Variants in ANKRD6 observed in about 807,000 individuals in gnomAD.
ANKRD6 encodes the protein ankyrin repeat domain 6, also known as ankyrin repeat domain-containing protein 6.
In ANKRD6, 56 loss-of-function variants were observed where a neutral mutation model predicts 82.3. That is an observed-to-expected ratio of 0.68 (90% CI 0.55 to 0.85). The LOEUF is 0.85. ANKRD6 is among the 40% of genes least tolerant of loss of function. ANKRD6 has a pLI of 0.00. For missense variants in ANKRD6, 852 were observed against 907.6 expected, an observed-to-expected ratio of 0.94 and a Z score of 0.79; for synonymous variants, 347 against 352.1, an observed-to-expected ratio of 0.99 and a Z score of 0.16.
chr6:89,494,815 AAC>A (rs374162968), intron 1 of ANKRD6, among the ~76,000 whole-genome samples: 1 of 152,328 alleles, frequency 6.6e-6, no homozygotes, highest in East Asian at 1.9e-4. Flanking sequence ...GGAAAAATAA[AAC>A]ACCCACAAGG....
chr6:89,492,068 A>G (rs926779385), intron 1 of ANKRD6, among the ~76,000 whole-genome samples: 1 of 152,146 alleles, frequency 6.6e-6, no homozygotes, highest in Non-Finnish European at 1.5e-5. Flanking sequence ...TAAAACTTAC[A>G]TTGAATAAAT....
At chr6:89,580,083 G>C (rs548948538) in intron 2 of ANKRD6, among the ~76,000 whole-genome samples, 1 of 152,202 alleles carries the variant, frequency 6.6e-6, no homozygotes, top group South Asian at 2.1e-4. Flanking sequence ...TTTTGGGTGG[G>C]GGTGATGAAA....
intron 2 of ANKRD6, among the ~76,000 whole-genome samples, chr6:89,580,549 C>T (rs763823706): frequency 6.6e-6 from 1 of 152,072 alleles, no homozygotes; most frequent in Non-Finnish European, 1.5e-5. Flanking sequence ...TTCATGGCCT[C>T]AAGAAACACA....
At chr6:89,598,265 G>A (rs764780137) in intron 3 of ANKRD6, 1 of 985,212 alleles carries the variant, frequency 1.0e-6, no homozygotes, top group Non-Finnish European at 1.2e-6. Context: ...TCTCATTGGA[G>A]CGCTAATGCC....
chr6:89,438,395 A>T (rs566906601), intron 1 of ANKRD6, among the ~76,000 whole-genome samples: 1 of 152,288 alleles, frequency 6.6e-6, no homozygotes, highest in East Asian at 1.9e-4. Context: ...AACCGTGTTG[A>T]CTGCCTTCAC....
chr6:89,567,076 G>A lies in ANKRD6; in HGVS notation c.100G>A (p.Ala34Thr), dbSNP rs775174882. 18 of 1,601,934 alleles carry A rather than the reference G, an allele frequency of 1.1e-5. No individual in the cohort carries two copies. In the African/African-American group the frequency reaches 1.2e-4, roughly 11 times the overall value. Residue 34 changes from alanine to threonine, a missense_variant, in exon 2 of 16, where the codon GCC (alanine) becomes ACC (threonine). By Grantham distance (58) the Ala-to-Thr change is moderately conservative (BLOSUM62 0). Coordinates refer to ENST00000339746, the MANE Select transcript of ANKRD6 (RefSeq NM_001242809.2). ...TGTGGTTCAGCTCATCAACAAGGGCGCCAGGGTAGCGGTTACCAAGGTAAC... is the reference window on the plus strand; with the variant it reads ...TGTGGTTCAGCTCATCAACAAGGGCACCAGGGTAGCGGTTACCAAGGTAAC... ...ENVVQLINKG[A>T]RVAVTKHGRT...
intron 1 of ANKRD6, among the ~76,000 whole-genome samples, chr6:89,476,318 T>TG (rs1279349444): frequency 1.3e-5 from 2 of 152,148 alleles, no homozygotes; most frequent in African/African-American, 4.8e-5. Context: ...CCCGAGTAGC[T>TG]GGGATTATAG....
Position 89,631,217 on chromosome 6 carries a change from A to G in ANKRD6, c.*213A>G. The G allele has an allele frequency of 1.1e-6, 1 of 900,200 alleles. No homozygotes were observed. Among genetic ancestry groups the G allele is most frequent in the South Asian group, 2.9e-5 (1 of 33,962 alleles). 55.8% of individuals were successfully genotyped at this position (900,200 alleles called of 1,614,324 possible). A position where few individuals can be genotyped will look rare whatever the true frequency, so the allele number is the denominator to read the frequency against. ...AACTGAAACCAGGGGAAGCTTGCTT[A>G]GTTTTGGGTTTCATTATAAACTCTT... is the stretch of plus-strand genomic sequence containing the variant. On this transcript the variant is annotated 3_prime_UTR_variant, in exon 16 of 16. Transcript: ENST00000339746.
At chr6:89,485,811 G>A (rs563196617) in intron 1 of ANKRD6, among the ~76,000 whole-genome samples, 2 of 152,316 alleles carry the variant, frequency 1.3e-5, no homozygotes, top group South Asian at 4.1e-4. Flanking sequence ...AGTCACACAG[G>A]AAAGCTTCTC....
chr6:89,437,736 A>C (rs1770834789), intron 1 of ANKRD6, among the ~76,000 whole-genome samples: 1 of 152,198 alleles, frequency 6.6e-6, no homozygotes, highest in Admixed American at 6.5e-5. Context: ...GTTAGAAAAG[A>C]TGTTAAATAT....
intron 2 of ANKRD6, among the ~76,000 whole-genome samples, chr6:89,584,700 G>T (rs1052510610): frequency 5.9e-5 from 9 of 152,190 alleles, no homozygotes; most frequent in African/African-American, 9.7e-5. Context: ...TGCAAGACTG[G>T]GTCAACATCA....
chr6:89,566,743 C>G (rs1244111616), intron 1 of ANKRD6, 91 bp from the exon 2 acceptor site: 2 of 467,098 alleles, frequency 4.3e-6, no homozygotes, highest in Middle Eastern at 6.0e-4. Context: ...AACATGCAAG[C>G]AGCAGAATGC....
At chr6:89,608,288 G>T (rs1799288227) in intron 5 of ANKRD6, among the ~76,000 whole-genome samples, 1 of 151,362 alleles carries the variant, frequency 6.6e-6, no homozygotes, top group African/African-American at 2.4e-5. Flanking sequence ...GAATCAGGTG[G>T]GCTAGAATGG....
intron 1 of ANKRD6, among the ~76,000 whole-genome samples, chr6:89,549,231 A>G (rs994786075): frequency 6.6e-6 from 1 of 152,072 alleles, no homozygotes; most frequent in Non-Finnish European, 1.5e-5. Flanking sequence ...AAAAGGAAAA[A>G]GTTTAATTGC....
intron 1 of ANKRD6, among the ~76,000 whole-genome samples, chr6:89,451,163 G>T (rs1020291894): frequency 2.0e-5 from 3 of 152,128 alleles, no homozygotes; most frequent in Non-Finnish European, 4.4e-5. Flanking sequence ...CAAAAAGTTA[G>T]TAGGGCATGG....
chr6:89,540,077 A>C (rs1402635252), intron 1 of ANKRD6, among the ~76,000 whole-genome samples: 2 of 152,190 alleles, frequency 1.3e-5, no homozygotes, highest in Non-Finnish European at 2.9e-5. Flanking sequence ...TATTATAAAC[A>C]GTGCTGCAAC....
At chr6:89,527,601 CAAAA>C (rs35855223) in intron 1 of ANKRD6, among the ~76,000 whole-genome samples, 5 of 45,694 alleles carry the variant, frequency 1.1e-4, no homozygotes, top group Admixed American at 3.2e-4. Context: ...GACTCCGTCT[CAAAA>C]AAAAAAAAAA....
chr6:89,450,615 T>TA (rs1183925894), intron 1 of ANKRD6, among the ~76,000 whole-genome samples: 2 of 152,092 alleles, frequency 1.3e-5, no homozygotes, highest in Non-Finnish European at 2.9e-5. Context: ...ATTCCTGGGC[T>TA]AAAACAATCC....
chr6:89,584,311 C>T (rs904030072), intron 2 of ANKRD6, among the ~76,000 whole-genome samples: 1 of 152,206 alleles, frequency 6.6e-6, no homozygotes, highest in African/African-American at 2.4e-5. Flanking sequence ...AAGGAGCTCT[C>T]GAAGCCACTG....
Sources: allele counts gnomAD v4.1 joint callset (sites outside exome capture counted in the v4.1 genomes callset), GRCh38; gene constraint gnomAD v4.1.1; transcripts MANE v1.5; gene names NCBI Gene and HGNC (gene_info 2026-07-23, HGNC 2026-07-21).